The following GALNT13 variants were observed in gnomAD, a reference collection of about 807,000 sequenced individuals.
The protein encoded by GALNT13 is polypeptide N-acetylgalactosaminyltransferase 13, also known as UDP-GalNAc:polypeptide N-acetylgalactosaminyltransferase 13.
Under a neutral mutation model 64.2 loss-of-function variants are expected in GALNT13, and 28 were observed. The ratio of observed to expected loss-of-function variants is 0.44; its 90% CI spans 0.32 to 0.60. The LOEUF (loss-of-function observed/expected upper bound fraction) is 0.60, where lower values mean the gene tolerates loss of function less well. Ranked by LOEUF, GALNT13 falls within the 20% of genes least tolerant of loss-of-function variation. The pLI is 0.05. For missense variants in GALNT13, 577 were observed against 669.8 expected (o/e 0.86, Z 1.53); for synonymous variants, 214 against 224.6 (o/e 0.95, Z 0.42).
At chr2:153,937,155 CAT>C (rs1295162621) in intron 2 of GALNT13, among the ~76,000 whole-genome samples, 3 of 152,094 alleles carry the variant, frequency 2.0e-5, no homozygotes, top group African/African-American at 7.2e-5. Flanking sequence ...ACAATGAAAA[CAT>C]ATGTCTACAG....
the GALNT13 span, among the ~76,000 whole-genome samples, chr2:153,093,989 G>C: frequency 6.6e-6 from 1 of 151,980 alleles, no homozygotes; most frequent in Admixed American, 6.6e-5. Flanking sequence ...GGCCACTAAT[G>C]ATCCTTTGAA....
At chr2:154,199,478 T>C (rs1484661773) in intron 4 of GALNT13, among the ~76,000 whole-genome samples, 2 of 151,998 alleles carry the variant, frequency 1.3e-5, no homozygotes, top group African/African-American at 2.4e-5. Flanking sequence ...CTTAGGAAAC[T>C]TGAGGTTTAG....
intron 3 of GALNT13, among the ~76,000 whole-genome samples, chr2:153,952,174 A>G (rs1372562730): frequency 2.0e-5 from 3 of 152,284 alleles, no homozygotes; most frequent in Non-Finnish European, 4.4e-5. Flanking sequence ...TAGGTATTTG[A>G]GAGAATAGGT....
intron 2 of GALNT13, among the ~76,000 whole-genome samples, chr2:153,912,128 C>A (rs923117452): frequency 6.6e-6 from 1 of 151,962 alleles, no homozygotes; most frequent in South Asian, 2.1e-4. Context: ...TTATTCTTGT[C>A]TGACTGTATT....
intron 10 of GALNT13, among the ~76,000 whole-genome samples, chr2:154,400,009 C>G (rs764692496): frequency 5.9e-5 from 9 of 152,118 alleles, no homozygotes; most frequent in Non-Finnish European, 1.0e-4. Context: ...TAAAGAAATG[C>G]AATCCAGCAT....
chr2:153,802,000 C>G, the GALNT13 span, among the ~76,000 whole-genome samples: 2 of 152,224 alleles, frequency 1.3e-5, no homozygotes, highest in East Asian at 3.9e-4. Flanking sequence ...ATTTTATCAT[C>G]CTGGCTGAGC....
intron 11 of GALNT13, among the ~76,000 whole-genome samples, chr2:154,416,882 C>T (rs552015450): frequency 4.6e-5 from 7 of 152,202 alleles, no homozygotes; most frequent in Admixed American, 2.0e-4. Flanking sequence ...TTTAAGGAGG[C>T]GTCAAAGTTG....
At chr2:153,562,089 T>G in the GALNT13 span, among the ~76,000 whole-genome samples, 1 of 149,142 alleles carries the variant, frequency 6.7e-6, no homozygotes, top group South Asian at 2.1e-4. Flanking sequence ...TGTGTGTGTG[T>G]GTGTGTGTGT....
At chr2:154,014,578 T>TG (rs1491426631) in intron 3 of GALNT13, among the ~76,000 whole-genome samples, 2 of 12,382 alleles carry the variant, frequency 1.6e-4, no homozygotes, top group African/African-American at 4.9e-4. Flanking sequence ...CTTTCCTCTG[T>TG]TTTTTTTTGT....
At chr2:153,216,463 C>G in the GALNT13 span, among the ~76,000 whole-genome samples, 2 of 152,002 alleles carry the variant, frequency 1.3e-5, no homozygotes, top group Non-Finnish European at 2.9e-5. Context: ...GCATCCTCAT[C>G]AGCATGTGGT....
chr2:153,076,616 T>C, the GALNT13 span, among the ~76,000 whole-genome samples: 3 of 152,302 alleles, frequency 2.0e-5, no homozygotes, highest in African/African-American at 7.2e-5. Context: ...TATTGTATAG[T>C]TGAGGAATTG....
chr2:153,777,717 C>T, the GALNT13 span, among the ~76,000 whole-genome samples: 1 of 152,146 alleles, frequency 6.6e-6, no homozygotes, highest in Non-Finnish European at 1.5e-5. Flanking sequence ...AGCATACAGA[C>T]AGCAGGCTTC....
chr2:154,175,447 A>G (rs1285247779), intron 4 of GALNT13, among the ~76,000 whole-genome samples: 1 of 152,132 alleles, frequency 6.6e-6, no homozygotes, highest in Non-Finnish European at 1.5e-5. Flanking sequence ...CCATACAGAT[A>G]CTCAATATGA....
intron 4 of GALNT13, among the ~76,000 whole-genome samples, chr2:154,165,718 T>G (rs570905666): frequency 6.6e-6 from 1 of 152,306 alleles, no homozygotes; most frequent in African/African-American, 2.4e-5. Context: ...AGAGGAAATC[T>G]AAAAGAAGGA....
intron 8 of GALNT13, among the ~76,000 whole-genome samples, chr2:154,272,162 C>G (rs1691389761): frequency 6.6e-6 from 1 of 151,832 alleles, no homozygotes. Context: ...GAAAATCAAT[C>G]TAATTGAGAA....
At chr2:154,092,997 T>A (rs955861677) in intron 3 of GALNT13, among the ~76,000 whole-genome samples, 37 of 152,006 alleles carry the variant, frequency 2.4e-4, no homozygotes, top group Admixed American at 1.3e-4. Flanking sequence ...ACACGTCTAC[T>A]TTGAAAGCAC....
the GALNT13 span, among the ~76,000 whole-genome samples, chr2:153,090,658 A>C: frequency 6.6e-6 from 1 of 152,152 alleles, no homozygotes; most frequent in Admixed American, 6.5e-5. Context: ...GTTGGACAGC[A>C]TATGGGAAGG....
chr2:153,254,995 C>T, the GALNT13 span, among the ~76,000 whole-genome samples: 21 of 152,066 alleles, frequency 1.4e-4, no homozygotes, highest in African/African-American at 4.6e-4. Context: ...CCACTTGGTG[C>T]AGAGCTGAGT....
chr2:154,343,824 A>T (rs554367212), intron 9 of GALNT13, among the ~76,000 whole-genome samples: 14 of 152,214 alleles, frequency 9.2e-5, no homozygotes, highest in East Asian at 3.9e-4. Flanking sequence ...GAAAATATTT[A>T]AAAAACTTTA....
Sources: allele counts gnomAD v4.1 joint callset (sites outside exome capture counted in the v4.1 genomes callset), GRCh38; gene constraint gnomAD v4.1.1; transcripts MANE v1.5; gene names NCBI Gene and HGNC (gene_info 2026-07-23, HGNC 2026-07-21).